The following GEMIN5 variants were observed in gnomAD, a reference collection of about 807,000 sequenced individuals.
GEMIN5 encodes gem-associated protein 5.
A neutral mutation model predicts 176.9 loss-of-function variants in GEMIN5; 124 were observed. That is an observed-to-expected ratio of 0.70 (90% CI 0.61 to 0.81). The LOEUF (loss-of-function observed/expected upper bound fraction) is 0.81, where lower values mean the gene tolerates loss of function less well. Among genes scored for constraint, GEMIN5 ranks in the 40% least tolerant of loss-of-function variants. The probability of loss-of-function intolerance (pLI) is 0.00; values close to 1 mark genes in which losing one functional copy is unlikely to be tolerated. For missense variants in GEMIN5, 1,843 were observed against 1,814.6 expected (o/e 1.02, Z -0.28); for synonymous variants, 673 against 665.2 (o/e 1.01, Z -0.18).
Position 154,938,091 on chromosome 5 carries a change from A to G in GEMIN5, c.43T>C (p.Tyr15His). Residue 15 changes from tyrosine to histidine, a missense_variant, in exon 1 of 28, where the codon TAC becomes CAC. By Grantham distance (83) the Tyr-to-His change is moderately conservative (BLOSUM62 2). Coordinates refer to ENST00000285873, the MANE Select transcript of GEMIN5 (RefSeq NM_015465.5). ...PRTLPPSPNWYCARCSDAVPG... is the reference protein window; with the variant it reads ...PRTLPPSPNWHCARCSDAVPG... ...ACGGCATCGCTGCAGCGGGCGCAGT[A>G]CCAGTTGGGGGAGGGCGGCAGCGTC... 6.7e-7 allele frequency: 1 copy of G among 1,482,492 alleles called. No homozygotes were observed. The highest frequency in any genetic ancestry group is 8.9e-7 in the Non-Finnish European group (1 of 1,118,986). 91.8% of individuals were successfully genotyped at this position (1,482,492 alleles called of 1,614,324 possible). A position where few individuals can be genotyped will look rare whatever the true frequency, so the allele number is the denominator to read the frequency against.
At chr5:154,905,993 C>CA (rs796676722) in intron 16 of GEMIN5, among the ~76,000 whole-genome samples, 3 of 146,240 alleles carry the variant, frequency 2.1e-5, no homozygotes, top group Non-Finnish European at 4.5e-5. Context: ...TCCTGGCTTA[C>CA]TTTTTTTTTT....
intron 13 of GEMIN5, among the ~76,000 whole-genome samples, chr5:154,913,498 A>G (rs1219358059): frequency 6.6e-6 from 1 of 152,206 alleles, no homozygotes; most frequent in Non-Finnish European, 1.5e-5. Context: ...CGAGTGCCCT[A>G]TCTTCCTCAA....
chr5:154,899,931 TAA>T (rs568554047), intron 21 of GEMIN5, among the ~76,000 whole-genome samples: 4 of 142,028 alleles, frequency 2.8e-5, no homozygotes, highest in Admixed American at 1.4e-4. Context: ...TTCTTTCTTC[TAA>T]AAAAAAAAAA....
At chr5:154,902,107 C>A (rs1763478106) in intron 20 of GEMIN5, among the ~76,000 whole-genome samples, 3 of 151,780 alleles carry the variant, frequency 2.0e-5, no homozygotes, top group Non-Finnish European at 2.9e-5. Flanking sequence ...CCACACCCAG[C>A]CTTTTTTTTT....
At chr5:154,895,149 T>C (rs1178898253) in intron 24 of GEMIN5, among the ~76,000 whole-genome samples, 1 of 151,848 alleles carries the variant, frequency 6.6e-6, no homozygotes, top group Non-Finnish European at 1.5e-5. Flanking sequence ...TCAAAGTATA[T>C]ACCATTTGAG....
intron 27 of GEMIN5, 145 bp from the exon 28 acceptor site, chr5:154,888,522 G>A: frequency 1.6e-6 from 1 of 632,266 alleles, no homozygotes; most frequent in South Asian, 2.1e-5. Context: ...GCAATGTCCT[G>A]TCTTTCTCTT....
At chr5:154,920,145 A>G in intron 10 of GEMIN5, 42 bp from the exon 11 acceptor site, 1 of 1,558,260 alleles carries the variant, frequency 6.4e-7, no homozygotes, top group Non-Finnish European at 8.8e-7. Context: ...TTTGTACTTC[A>G]TCAGCTTAAC....
rs148198781 is a variant in GEMIN5, at chr5:154,889,051, T to A, written c.4359+270A>T. Among the ~76,000 whole-genome samples the A allele has an allele frequency of 2.0e-5, 3 of 152,196 alleles. No individual in the cohort carries two copies. The East Asian group carries it at 5.8e-4, about 29-fold the overall frequency. On this transcript the variant is annotated intron_variant, in intron 27 of 27. Coordinates refer to ENST00000285873, the MANE Select transcript of GEMIN5 (RefSeq NM_015465.5). ...GCCCCCACGCCCGGCTAATATTTTG[T>A]ATTTTTAGTAGAGACGGGGTTTCAC...
At chr5:154,921,962 C>A (rs1763932605) in intron 9 of GEMIN5, among the ~76,000 whole-genome samples, 1 of 152,134 alleles carries the variant, frequency 6.6e-6, no homozygotes, top group Non-Finnish European at 1.5e-5. Flanking sequence ...GTAGAAAAAA[C>A]CAGGCAGCAT....
chr5:154,932,980 C>A (rs758226926), intron 3 of GEMIN5, among the ~76,000 whole-genome samples: 2 of 152,214 alleles, frequency 1.3e-5, no homozygotes, highest in South Asian at 4.1e-4. Flanking sequence ...ATTCTACACT[C>A]TAGACCTGCA....
chr5:154,921,638 A>G (rs1423531437), intron 9 of GEMIN5, among the ~76,000 whole-genome samples: 1 of 152,216 alleles, frequency 6.6e-6, no homozygotes, highest in Non-Finnish European at 1.5e-5. Flanking sequence ...AATATCAAAT[A>G]ATGACATTTA....
chr5:154,908,074 C>T (rs1482404937), intron 15 of GEMIN5, among the ~76,000 whole-genome samples: 1 of 151,628 alleles, frequency 6.6e-6, no homozygotes, highest in African/African-American at 2.4e-5. Context: ...TCCGACGTCA[C>T]CATAGTACAA....
intron 23 of GEMIN5, among the ~76,000 whole-genome samples, chr5:154,898,216 C>A (rs1158997017): frequency 6.6e-6 from 1 of 152,112 alleles, no homozygotes; most frequent in Non-Finnish European, 1.5e-5. Flanking sequence ...GTGTTTTGTA[C>A]AAACAGATAA....
At chr5:154,896,054 T>C (rs1299707872) in intron 24 of GEMIN5, 38 bp downstream of exon 24, 4 of 1,605,968 alleles carry the variant, frequency 2.5e-6, no homozygotes, top group Non-Finnish European at 3.4e-6. Context: ...GTCTTACCAC[T>C]GAGTGATTAA....
chr5:154,933,107 A>G (rs1277781996), intron 3 of GEMIN5, among the ~76,000 whole-genome samples: 1 of 152,226 alleles, frequency 6.6e-6, no homozygotes, highest in Non-Finnish European at 1.5e-5. Flanking sequence ...CCTAAGAAAA[A>G]TAATTACCAA....
Position 154,899,223 on chromosome 5 carries a change from T to C in GEMIN5, c.3102A>G (p.Glu1034=), listed in dbSNP as rs1763416286. 5 of 1,613,488 alleles carry C rather than the reference T, an allele frequency of 3.1e-6. No homozygotes were observed. Among genetic ancestry groups the C allele is most frequent in the Non-Finnish European group, 4.2e-6 (5 of 1,179,680 alleles). ...DLYLSWGTVL[E]RDGHYAVAAK... ...CAGCTACAGCATAGTGGCCATCTCT[T>C]TCTAGGACGGTTCCCCAGCTGAGGT... Residue 1034 remains glutamate (E), a synonymous_variant, in exon 22 of 28, where the codon GAA becomes GAG. Coordinates refer to ENST00000285873, the MANE Select transcript of GEMIN5 (RefSeq NM_015465.5).
intron 16 of GEMIN5, among the ~76,000 whole-genome samples, 157 bp downstream of exon 16, chr5:154,907,429 GTTTAT>G (rs1763589856): frequency 6.8e-6 from 1 of 147,068 alleles, no homozygotes; most frequent in Non-Finnish European, 1.5e-5. Flanking sequence ...CTTCAAAGAT[GTTTAT>G]TTTAGAGACT....
Position 154,891,603 on chromosome 5 carries a change from A to G in GEMIN5, c.3900T>C (p.Ser1300=), listed in dbSNP as rs1763228352. The change falls in exon 26 of 28, where the codon AGT becomes AGC. Residue 1300 remains serine (S), a synonymous_variant. Transcript: ENST00000285873. ...TTCTGTGACCAGCCCTTACCCAGAC[A>G]CTGGAATTTGGGCAAGGTCTGGAGA... The part of the protein sequence containing the change: ...WSLSRPCPNS[S]VWVRAGHRTL... The G allele has an allele frequency of 6.2e-7, 1 of 1,613,980 alleles. No homozygotes were observed. Among genetic ancestry groups the G allele is most frequent in the African/African-American group, 1.3e-5 (1 of 74,898 alleles).
chr5:154,917,080 G>C lies in GEMIN5; in HGVS notation c.1773C>G (p.Gly591=), dbSNP rs766495419. The C allele has an allele frequency of 2.1e-5, 34 of 1,608,878 alleles. No homozygotes were observed. The East Asian group carries it at 7.4e-4, about 35-fold the overall frequency. Residue 591 remains glycine (G), a synonymous_variant, in exon 13 of 28, where the codon GGC becomes GGG. Coordinates refer to ENST00000285873, the MANE Select transcript of GEMIN5 (RefSeq NM_015465.5). ...VNTISWHHEH[G]SQPELSYLMA... ...TCAGATAGCTCAATTCTGGCTGGCT[G>C]CCATGCTCATGATGCCAGCTAATGG...
Sources: gnomAD v4.1 joint callset for allele counts (sites outside exome capture counted in the v4.1 genomes callset) on GRCh38, gnomAD v4.1.1 for gene constraint, MANE v1.5 for transcripts, NCBI Gene and HGNC (gene_info 2026-07-23, HGNC 2026-07-21) for gene names.